The following RSPO3 variants were observed in gnomAD, a reference collection of about 807,000 sequenced individuals.
The protein encoded by RSPO3 is R-spondin 3, also known as R-spondin-3.
RSPO3 carries 17 observed loss-of-function variants against 36.5 expected under a neutral mutation model. That is an observed-to-expected ratio of 0.47 (90% CI 0.32 to 0.70). The LOEUF is 0.70. Among genes scored for constraint, RSPO3 ranks in the 30% least tolerant of loss-of-function variants. RSPO3 has a pLI of 0.04. For missense variants in RSPO3, 294 were observed against 322.5 expected, an observed-to-expected ratio of 0.91 and a Z score of 0.68; for synonymous variants, 108 against 107.0, an observed-to-expected ratio of 1.01 and a Z score of -0.06.
chr6:127,149,884 T>C (rs1488786969), intron 2 of RSPO3, among the ~76,000 whole-genome samples: 1 of 152,076 alleles, frequency 6.6e-6, no homozygotes, highest in African/African-American at 2.4e-5. Flanking sequence ...CTTACAGTAA[T>C]CACCACATAA....
intron 4 of RSPO3, among the ~76,000 whole-genome samples, chr6:127,164,786 A>G (rs909044518): frequency 2.6e-5 from 4 of 152,186 alleles, no homozygotes; most frequent in East Asian, 3.9e-4. Flanking sequence ...TATATTGTGT[A>G]TACACCACCA....
At chr6:127,170,434 T>TACACACACACACACAC (rs141558102) in intron 4 of RSPO3, among the ~76,000 whole-genome samples, 3 of 148,892 alleles carry the variant, frequency 2.0e-5, no homozygotes, top group Non-Finnish European at 4.5e-5. Context: ...GTTCCACACA[T>TACACACACACACACAC]ACACACACAC....
chr6:127,170,316 A>C (rs1278935406), intron 4 of RSPO3, among the ~76,000 whole-genome samples: 2 of 151,732 alleles, frequency 1.3e-5, no homozygotes, highest in African/African-American at 2.4e-5. Flanking sequence ...TGGATAAAAA[A>C]TAGATGTGCC....
chr6:127,195,985 T>C lies in RSPO3; in HGVS notation c.797T>C (p.Val266Ala). 4 of 1,612,866 alleles carry C rather than the reference T, an allele frequency of 2.5e-6. No homozygotes were observed. In the South Asian group the frequency reaches 3.3e-5, roughly 13 times the overall value. The part of the protein sequence containing the change: ...KRKVQDKQKS[V>A]SVSTVH ...AAAGTCCAAGATAAACAGAAATCGG[T>C]ATCAGTCAGCACTGTACACTAGAGG... The change falls in exon 5 of 5, where the codon GTA becomes GCA. Residue 266 changes from valine (V) to alanine (A), a missense_variant. Physicochemically the swap from Val to Ala is moderately conservative, Grantham distance 64. This residue lies in a region of RSPO3 where 190 missense variants were observed against 185.2 expected (regional missense o/e 1.03). Transcript: ENST00000356698.
At chr6:127,146,400 G>A (rs192434161) in intron 1 of RSPO3, among the ~76,000 whole-genome samples, 26 of 152,090 alleles carry the variant, frequency 1.7e-4, no homozygotes, top group African/African-American at 5.8e-4. Flanking sequence ...AAGGTATTTT[G>A]GCACATCTCA....
chr6:127,171,564 T>A (rs1774934999), intron 4 of RSPO3, among the ~76,000 whole-genome samples: 1 of 151,776 alleles, frequency 6.6e-6, no homozygotes, highest in Non-Finnish European at 1.5e-5. Context: ...AACTGTAACA[T>A]TCCTAAAACA....
chr6:127,180,367 T>G (rs899120270), intron 4 of RSPO3, among the ~76,000 whole-genome samples: 1 of 151,192 alleles, frequency 6.6e-6, no homozygotes, highest in African/African-American at 2.4e-5. Context: ...CCAAGAACTT[T>G]GGGAGTACAG....
chr6:127,143,820 T>C lies in RSPO3; in HGVS notation c.98-4828T>C, dbSNP rs544748171. On this transcript the variant is annotated intron_variant, in intron 1 of 4. Transcript: ENST00000356698. ...TTTAAATTGTCACAGAAACAGAATTTAGTTCCCAATACTGTATTAGTTGAT... is the reference window on the plus strand; with the variant it reads ...TTTAAATTGTCACAGAAACAGAATTCAGTTCCCAATACTGTATTAGTTGAT... 3.9e-5 allele frequency among the ~76,000 whole-genome samples: 6 copies of C among 152,330 alleles called. No individual in the cohort carries two copies. In the South Asian group the frequency reaches 1.2e-3, roughly 32 times the overall value.
intron 4 of RSPO3, among the ~76,000 whole-genome samples, chr6:127,191,199 G>GT (rs1404153431): frequency 1.3e-5 from 2 of 152,116 alleles, no homozygotes; most frequent in Non-Finnish European, 2.9e-5. Context: ...AGTCAAAAAC[G>GT]TATTTGATAT....
At chr6:127,133,066 C>T (rs185122853) in intron 1 of RSPO3, among the ~76,000 whole-genome samples, 1 of 152,196 alleles carries the variant, frequency 6.6e-6, no homozygotes, top group African/African-American at 2.4e-5. Context: ...ATTACTTCCT[C>T]ATTACAGACA....
intron 1 of RSPO3, among the ~76,000 whole-genome samples, chr6:127,130,291 G>A (rs1180157120): frequency 6.6e-6 from 1 of 152,094 alleles, no homozygotes; most frequent in Non-Finnish European, 1.5e-5. Flanking sequence ...ATCTTTAATT[G>A]AACAAAGACA....
chr6:127,198,434 A>C lies in RSPO3; in HGVS notation c.*2427A>C, dbSNP rs1775557076. Among the ~76,000 whole-genome samples, 1 of 152,182 alleles carries C rather than the reference A, an allele frequency of 6.6e-6. No individual in the cohort carries two copies. The highest frequency in any genetic ancestry group is 1.5e-5 in the Non-Finnish European group (1 of 68,036). ...CAGCAGCCTTCTCAAATTTGAGCAA[A>C]AACTCTATCAACCTCTGGTAAAGTT... On this transcript the variant is annotated 3_prime_UTR_variant, in exon 5 of 5. Coordinates refer to ENST00000356698, the MANE Select transcript of RSPO3 (RefSeq NM_032784.5).
intron 4 of RSPO3, among the ~76,000 whole-genome samples, chr6:127,193,189 A>T (rs1187644200): frequency 1.3e-5 from 2 of 152,180 alleles, no homozygotes; most frequent in East Asian, 1.9e-4. Context: ...CAGACTAGTT[A>T]TTCCTTGGAC....
chr6:127,126,470 A>G (rs992881621), intron 1 of RSPO3, among the ~76,000 whole-genome samples: 9 of 152,142 alleles, frequency 5.9e-5, no homozygotes, highest in Non-Finnish European at 1.2e-4. Flanking sequence ...TGGTTTTTAT[A>G]ATACTCTCTG....
rs1180859508 is a variant in RSPO3 at position 127,148,641 on chromosome 6, T to G, written c.98-7T>G. On this transcript the variant is annotated splice_region_variant and splice_polypyrimidine_tract_variant and intron_variant, in intron 1 of 4. Coordinates refer to ENST00000356698, the MANE Select transcript of RSPO3 (RefSeq NM_032784.5). ...TTTGTAATGTCTTTCTACATTTGTC[T>G]CCACAGTGCATCCTAACGTTAGTCA... 6.2e-7 allele frequency: 1 copy of G among 1,603,648 alleles called. No individual in the cohort carries two copies. Among genetic ancestry groups the G allele is most frequent in the South Asian group, 1.1e-5 (1 of 89,282 alleles).
At chr6:127,132,829 C>A (rs909335513) in intron 1 of RSPO3, among the ~76,000 whole-genome samples, 2 of 152,048 alleles carry the variant, frequency 1.3e-5, no homozygotes, top group African/African-American at 4.8e-5. Context: ...CACAGCTAAG[C>A]AATTAAAAAC....
rs56089858 is a variant in RSPO3, at chr6:127,126,769, A to G, written c.97+7480A>G. 4.6e-3 allele frequency among the ~76,000 whole-genome samples: 705 copies of G among 151,810 alleles called. 5 individuals carry two copies. The highest frequency in any genetic ancestry group is 0.016 in the African/African-American group (660 of 41,368). Reference sequence around the variant, plus strand: ...ATATAAGAGAATCTCTGGAAGGGATAAAACTTGAAAGAATCCAGTCCATCT... The same window carrying G: ...ATATAAGAGAATCTCTGGAAGGGATGAAACTTGAAAGAATCCAGTCCATCT... On this transcript the variant is annotated intron_variant, in intron 1 of 4. Coordinates refer to ENST00000356698, the MANE Select transcript of RSPO3 (RefSeq NM_032784.5).
In RSPO3 at chr6:127,119,589, C is replaced by T. The variant is rs371210869; in HGVS notation, c.97+300C>T. Among the ~76,000 whole-genome samples the T allele has an allele frequency of 1.5e-3, 232 of 152,348 alleles. 1 individual carries two copies. The highest frequency in any genetic ancestry group is 5.3e-3 in the African/African-American group (222 of 41,584). ...GTTCGGTCCTGGGTTAGACTCGCAC[C>T]CGGGATTTGTGCTTTCCTTTTGAGG... On this transcript the variant is annotated intron_variant, in intron 1 of 4. Coordinates refer to ENST00000356698, the MANE Select transcript of RSPO3 (RefSeq NM_032784.5).
Position 127,183,167 on chromosome 6 carries a change from C to G in RSPO3, c.635-12656C>G, listed in dbSNP as rs564110775. ...CAGGGAAACTCTGAAGTCTTCAAAT[C>G]ACTAAAACTGTCCTAGAACTCAAAT... On this transcript the variant is annotated intron_variant, in intron 4 of 4. Transcript: ENST00000356698. Among the ~76,000 whole-genome samples the G allele has an allele frequency of 5.3e-5, 8 of 152,064 alleles. No individual in the cohort carries two copies. The South Asian group carries it at 1.7e-3, about 32-fold the overall frequency.
Sources: allele counts gnomAD v4.1 joint callset (sites outside exome capture counted in the v4.1 genomes callset), GRCh38; gene constraint gnomAD v4.1.1; regional missense constraint gnomAD v4.1.1; transcripts MANE v1.5; gene names NCBI Gene and HGNC (gene_info 2026-07-23, HGNC 2026-07-21).